The following SDK1 variants were observed in gnomAD, a reference collection of about 807,000 sequenced individuals.
SDK1 encodes the protein sidekick cell adhesion molecule 1.
In SDK1, 157 loss-of-function variants were observed where a neutral mutation model predicts 245.5. The ratio of observed to expected loss-of-function variants is 0.64; its 90% CI spans 0.56 to 0.73. The LOEUF is 0.73. SDK1 is among the 30% of genes least tolerant of loss of function. The pLI is 0.00. For missense variants in SDK1, 3,583 were observed against 3,002.3 expected (o/e 1.19, Z -4.52); for synonymous variants, 1,647 against 1,278.5 (o/e 1.29, Z -6.15).
chr7:3,524,210 G>A (rs1406161594), intron 1 of SDK1, among the ~76,000 whole-genome samples: 1 of 152,192 alleles, frequency 6.6e-6, no homozygotes, highest in African/African-American at 2.4e-5. Context: ...GAGGTCAGGG[G>A]CACCAGTTTG....
chr7:3,433,553 G>A (rs1779929624), intron 1 of SDK1, among the ~76,000 whole-genome samples: 2 of 151,698 alleles, frequency 1.3e-5, no homozygotes, highest in South Asian at 2.1e-4. Context: ...TCTTCCTTAG[G>A]TTTATATGAA....
At chr7:3,989,853 C>T (rs962154577) in intron 14 of SDK1, among the ~76,000 whole-genome samples, 6 of 152,218 alleles carry the variant, frequency 3.9e-5, no homozygotes, top group Non-Finnish European at 8.8e-5. Context: ...ACACCACAGC[C>T]ACACAGTTTA....
intron 4 of SDK1, among the ~76,000 whole-genome samples, chr7:3,680,989 C>G (rs1388611070): frequency 6.6e-6 from 1 of 152,110 alleles, no homozygotes; most frequent in African/African-American, 2.4e-5. Context: ...ACTACAGGTG[C>G]ACCCCATCAG....
At chr7:3,751,049 C>T (rs1232406990) in intron 4 of SDK1, among the ~76,000 whole-genome samples, 2 of 152,186 alleles carry the variant, frequency 1.3e-5, no homozygotes, top group African/African-American at 2.4e-5. Context: ...GCAATACCTT[C>T]GAGCTCCACC....
chr7:3,766,100 A>C (rs543274814), intron 4 of SDK1, among the ~76,000 whole-genome samples: 1 of 152,204 alleles, frequency 6.6e-6, no homozygotes, highest in African/African-American at 2.4e-5. Flanking sequence ...CGGTTGACCA[A>C]AATTTTTGGT....
At chr7:3,684,646 A>C (rs998373584) in intron 4 of SDK1, among the ~76,000 whole-genome samples, 1 of 152,250 alleles carries the variant, frequency 6.6e-6, no homozygotes, top group Non-Finnish European at 1.5e-5. Context: ...AGAAAAGCCA[A>C]TTATCAGATG....
intron 1 of SDK1, among the ~76,000 whole-genome samples, chr7:3,607,915 C>G (rs1025145434): frequency 3.3e-5 from 5 of 152,234 alleles, no homozygotes; most frequent in Admixed American, 2.6e-4. Context: ...AAGTGTGGTT[C>G]AAGAACCTGT....
chr7:3,413,736 C>G (rs936860628), intron 1 of SDK1, among the ~76,000 whole-genome samples: 2 of 152,148 alleles, frequency 1.3e-5, no homozygotes, highest in African/African-American at 4.8e-5. Context: ...GTGGCTCACA[C>G]CTGCACTTTG....
At chr7:4,257,546 T>C (rs191305286) in intron 44 of SDK1, among the ~76,000 whole-genome samples, 1 of 152,344 alleles carries the variant, frequency 6.6e-6, no homozygotes, top group Admixed American at 6.5e-5. Context: ...AAAGAGGCAA[T>C]GACAGGGGCT....
intron 1 of SDK1, among the ~76,000 whole-genome samples, chr7:3,570,851 A>G (rs1780092587): frequency 6.6e-6 from 1 of 152,034 alleles, no homozygotes; most frequent in African/African-American, 2.4e-5. Context: ...GTCAATATAT[A>G]AATCTTAGAA....
At chr7:3,604,966 G>A (rs1781374548) in intron 1 of SDK1, among the ~76,000 whole-genome samples, 1 of 151,858 alleles carries the variant, frequency 6.6e-6, no homozygotes, top group South Asian at 2.1e-4. Context: ...CAGGTCTTTG[G>A]AGATATTCCT....
intron 1 of SDK1, among the ~76,000 whole-genome samples, chr7:3,446,726 T>C (rs1357309): frequency 0.74 from 112,442 of 152,092 alleles, 41,730 homozygotes; most frequent in South Asian, 0.81. Context: ...ATTCAATCCC[T>C]AACAAATAAC....
At chr7:3,776,204 G>C (rs1780555311) in intron 4 of SDK1, among the ~76,000 whole-genome samples, 1 of 152,236 alleles carries the variant, frequency 6.6e-6, no homozygotes, top group African/African-American at 2.4e-5. Flanking sequence ...CTTTGGAGGA[G>C]CTGTCTGTCT....
chr7:3,927,822 A>T (rs754516930), intron 5 of SDK1, among the ~76,000 whole-genome samples: 1 of 152,232 alleles, frequency 6.6e-6, no homozygotes, highest in Non-Finnish European at 1.5e-5. Flanking sequence ...CTGTCTTTAG[A>T]TAATGGAAAT....
At chr7:3,592,317 C>A (rs1474944887) in intron 1 of SDK1, among the ~76,000 whole-genome samples, 2 of 152,170 alleles carry the variant, frequency 1.3e-5, no homozygotes, top group Admixed American at 6.5e-5. Context: ...CCCCTCTCCC[C>A]CACCTTACAT....
intron 40 of SDK1, among the ~76,000 whole-genome samples, chr7:4,231,528 G>A (rs1785767130): frequency 6.7e-6 from 1 of 150,102 alleles, no homozygotes; most frequent in South Asian, 2.1e-4. Flanking sequence ...AGCTATGATT[G>A]CACCACTGCA....
intron 1 of SDK1, among the ~76,000 whole-genome samples, chr7:3,490,514 C>T (rs74764386): frequency 0.041 from 6,306 of 152,244 alleles, 203 homozygotes; most frequent in Non-Finnish European, 0.062. Flanking sequence ...TCGTTTTCTT[C>T]TGATATTTCT....
chr7:3,441,549 G>T (rs1226758549), intron 1 of SDK1, among the ~76,000 whole-genome samples: 1 of 151,838 alleles, frequency 6.6e-6, no homozygotes, highest in African/African-American at 2.4e-5. Flanking sequence ...TTTGGACTCT[G>T]TTTTGTTCCG....
At chr7:3,638,780 A>G (rs201603351) in intron 2 of SDK1, among the ~76,000 whole-genome samples, 1 of 151,838 alleles carries the variant, frequency 6.6e-6, no homozygotes, top group East Asian at 1.9e-4. Flanking sequence ...AACTTAAAGT[A>G]TAATAATAAT....
Sources: gnomAD v4.1 joint callset for allele counts (sites outside exome capture counted in the v4.1 genomes callset) on GRCh38, gnomAD v4.1.1 for gene constraint, MANE v1.5 for transcripts, NCBI Gene and HGNC (gene_info 2026-07-23, HGNC 2026-07-21) for gene names.